GATAD1: variants seen among roughly 807,000 people sequenced by gnomAD.
GATAD1 encodes GATA zinc finger domain-containing protein 1.
In GATAD1, 12 loss-of-function variants were observed where a neutral mutation model predicts 26.5. The observed-to-expected ratio is 0.45, with a 90% CI of 0.29 to 0.73. GATAD1 has a LOEUF of 0.73. Ranked by LOEUF, GATAD1 falls within the 30% of genes least tolerant of loss-of-function variation. The probability of loss-of-function intolerance (pLI) is 0.10; values close to 1 mark genes in which losing one functional copy is unlikely to be tolerated. For synonymous variants in GATAD1, 129 were observed against 133.1 expected, an observed-to-expected ratio of 0.97 and a Z score of 0.21; for missense variants, 266 against 342.1, an observed-to-expected ratio of 0.78 and a Z score of 1.75.
rs1328796097 is a variant in GATAD1, at chr7:92,448,031, G to A, written c.249+53G>A. Reference sequence around the variant, plus strand: ...CGGAGGCCGACCAGGTGCTAGGCGGGCGGGGACGGGCTGGCTGGGAGCGGG... The same window carrying A: ...CGGAGGCCGACCAGGTGCTAGGCGGACGGGGACGGGCTGGCTGGGAGCGGG... On this transcript the variant is annotated intron_variant, in intron 1 of 4. Coordinates refer to ENST00000287957, the MANE Select transcript of GATAD1 (RefSeq NM_021167.5). The A allele has an allele frequency of 1.1e-5, 13 of 1,182,852 alleles. No homozygotes were observed. The Admixed American group carries it at 1.3e-4, about 12-fold the overall frequency. 73.3% of individuals were successfully genotyped at this position (1,182,852 alleles called of 1,614,324 possible).
chr7:92,469,810 G>T, the GATAD1 span: 4 of 768,050 alleles, frequency 5.2e-6, no homozygotes, highest in Non-Finnish European at 9.6e-6. Context: ...GAAGTTCAGG[G>T]GGAGGCATAT....
chr7:92,464,631 A>G (rs1790035414), downstream of GATAD1, among the ~76,000 whole-genome samples: 1 of 152,232 alleles, frequency 6.6e-6, no homozygotes, highest in East Asian at 1.9e-4. Flanking sequence ...AGCCTAGGAA[A>G]GGGCCTTGGG....
chr7:92,456,447 C>T lies in GATAD1; in HGVS notation c.695C>T (p.Ser232Leu), dbSNP rs1789674295. 6.2e-7 allele frequency: 1 copy of T among 1,611,892 alleles called. No homozygotes were observed. The highest frequency in any genetic ancestry group is 8.5e-7 in the Non-Finnish European group (1 of 1,177,954). ...CATGCACCTTCTGAGTATTTCAAGT[C>T]ACGGTCATCACCATTTCCCACAGTT... ...VCHAPSEYFK[S>L]RSSPFPTVPT... The change falls in exon 5 of 5, where the codon TCA becomes TTA. Residue 232 changes from serine to leucine, a missense_variant. Ser to Leu is a moderately radical substitution (Grantham distance 145). Coordinates refer to ENST00000287957, the MANE Select transcript of GATAD1 (RefSeq NM_021167.5).
chr7:92,468,674 C>T, the GATAD1 span: 5 of 619,790 alleles, frequency 8.1e-6, no homozygotes, highest in Non-Finnish European at 1.4e-5. Context: ...GATTCTTAGT[C>T]AGCCTAGGAA....
At chr7:92,460,377 T>TA (rs935155192), downstream of GATAD1, among the ~76,000 whole-genome samples, 1 of 152,016 alleles carries the variant, frequency 6.6e-6, no homozygotes, top group Non-Finnish European at 1.5e-5. Context: ...GGTAGGAGGG[T>TA]ATACCTCCTA....
chr7:92,472,464 C>T, the GATAD1 span: 43 of 152,238 alleles, frequency 2.8e-4, no homozygotes, highest in Non-Finnish European at 5.0e-4. Context: ...GCTCATCCCT[C>T]GGATCTGTGT....
Position 92,456,578 on chromosome 7 carries a change from T to G in GATAD1, c.*16T>G. On this transcript the variant is annotated 3_prime_UTR_variant, in exon 5 of 5. Transcript: ENST00000287957. ...CCATTTGTAGTTCACAAATTAAAAC[T>G]GGGTTTCCAGGCCTGGTGTGGTGGC... 1 of 1,589,846 alleles carries G rather than the reference T, an allele frequency of 6.3e-7. No homozygotes were observed. The highest frequency in any genetic ancestry group is 8.6e-7 in the Non-Finnish European group (1 of 1,161,170).
At chr7:92,452,939 A>G (rs995607945) in intron 3 of GATAD1, among the ~76,000 whole-genome samples, 12 of 152,240 alleles carry the variant, frequency 7.9e-5, no homozygotes, top group Non-Finnish European at 1.3e-4. Context: ...CAAACAAACC[A>G]TAAATGCAAA....
At chr7:92,485,460 C>T in the GATAD1 span, among the ~76,000 whole-genome samples, 1 of 152,226 alleles carries the variant, frequency 6.6e-6, no homozygotes, top group Non-Finnish European at 1.5e-5. Flanking sequence ...GTCATGGCCC[C>T]TGACCTAATT....
the GATAD1 span, chr7:92,470,268 T>C: frequency 1.9e-4 from 148 of 778,502 alleles, no homozygotes; most frequent in East Asian, 3.6e-3. Flanking sequence ...GCATTCTCCA[T>C]AGAAACTCTT....
chr7:92,453,353 TG>T (rs1391276937), intron 3 of GATAD1, among the ~76,000 whole-genome samples: 5 of 152,170 alleles, frequency 3.3e-5, no homozygotes, highest in Non-Finnish European at 5.9e-5. Context: ...TCAACCATTA[TG>T]GGTGTTCAGA....
chr7:92,449,151 G>A (rs923323120), intron 2 of GATAD1: 13 of 1,112,438 alleles, frequency 1.2e-5, no homozygotes, highest in African/African-American at 3.2e-5. Flanking sequence ...TCAACCTTGA[G>A]CCCATTTTTT....
chr7:92,488,657 A>C, the GATAD1 span, among the ~76,000 whole-genome samples: 2 of 152,232 alleles, frequency 1.3e-5, no homozygotes, highest in East Asian at 3.8e-4. Flanking sequence ...TTTTATAACA[A>C]AATTTTATAA....
chr7:92,453,687 A>G (rs989735879), intron 3 of GATAD1, among the ~76,000 whole-genome samples: 1 of 152,050 alleles, frequency 6.6e-6, no homozygotes, highest in Non-Finnish European at 1.5e-5. Context: ...CATGGTATCT[A>G]TTTTCTTTGA....
At chr7:92,472,784 C>A in the GATAD1 span, 2 of 152,022 alleles carry the variant, frequency 1.3e-5, no homozygotes, top group Non-Finnish European at 2.9e-5. Context: ...CACTGAGGGC[C>A]CTGGTGCCTT....
chr7:92,448,106 T>A (rs1442417999), intron 1 of GATAD1, 128 bp downstream of exon 1: 1 of 556,666 alleles, frequency 1.8e-6, no homozygotes, highest in Non-Finnish European at 2.6e-6. Context: ...GGAACGCCCC[T>A]CCCCACCTCC....
chr7:92,480,475 C>T, the GATAD1 span, among the ~76,000 whole-genome samples: 1 of 152,136 alleles, frequency 6.6e-6, no homozygotes, highest in Non-Finnish European at 1.5e-5. Context: ...GAAGTGATTT[C>T]CTTGAGGATA....
the GATAD1 span, chr7:92,493,523 C>G: frequency 4.4e-5 from 7 of 158,768 alleles, no homozygotes; most frequent in Non-Finnish European, 5.5e-5. Flanking sequence ...CCTGTGGTCC[C>G]AGCTACTCGG....
At chr7:92,469,081 T>A in the GATAD1 span, 1 of 703,236 alleles carries the variant, frequency 1.4e-6, no homozygotes, top group Non-Finnish European at 2.6e-6. Context: ...GGGTCCAGTG[T>A]TTCGAAGCTC....
Sources: gnomAD v4.1 joint callset for allele counts (sites outside exome capture counted in the v4.1 genomes callset) on GRCh38, gnomAD v4.1.1 for gene constraint, MANE v1.5 for transcripts, NCBI Gene and HGNC (gene_info 2026-07-23, HGNC 2026-07-21) for gene names.